Variants in SLC4A4 observed in about 807,000 individuals in gnomAD.
SLC4A4 encodes the protein electrogenic sodium bicarbonate cotransporter 1.
Under a neutral mutation model 111.5 loss-of-function variants are expected in SLC4A4, and 27 were observed. The observed-to-expected ratio is 0.24, with a 90% CI of 0.18 to 0.33. SLC4A4 has a LOEUF of 0.33. Ranked by LOEUF, SLC4A4 falls within the 10% of genes least tolerant of loss-of-function variation. The pLI, the probability that SLC4A4 is intolerant of heterozygous loss-of-function variation, is 1.00. For synonymous variants in SLC4A4, 443 were observed against 463.4 expected, an observed-to-expected ratio of 0.96 and a Z score of 0.57; for missense variants, 909 against 1,315.5, an observed-to-expected ratio of 0.69 and a Z score of 4.78.
At chr4:71,275,064 A>T (rs1191108670) in intron 3 of SLC4A4, among the ~76,000 whole-genome samples, 1 of 151,978 alleles carries the variant, frequency 6.6e-6, no homozygotes, top group Non-Finnish European at 1.5e-5. Flanking sequence ...CAGCTCATTC[A>T]TAGGCCTAGG....
chr4:71,255,137 C>A lies in SLC4A4; in HGVS notation c.74-83C>A, dbSNP rs4694387. On this transcript the variant is annotated intron_variant, in intron 2 of 25. Transcript: ENST00000264485. Reference sequence around the variant, plus strand: ...GTAACGTTGAATTTATAGACATTTTCTTCTGATCTGTGTATCTTGTGCAAT... The same window carrying A: ...GTAACGTTGAATTTATAGACATTTTATTCTGATCTGTGTATCTTGTGCAAT... 0.16 allele frequency: 195,860 copies of A among 1,251,426 alleles called. 20,535 individuals are homozygous for A. Among genetic ancestry groups the A allele is most frequent in the East Asian group, 0.45 (19,546 of 43,166 alleles). 77.5% of individuals were successfully genotyped at this position (1,251,426 alleles called of 1,614,324 possible).
At chr4:71,423,226 C>A (rs1267133078) in intron 7 of SLC4A4, among the ~76,000 whole-genome samples, 1 of 152,124 alleles carries the variant, frequency 6.6e-6, no homozygotes, top group South Asian at 2.1e-4. Flanking sequence ...CATGAGTGAA[C>A]TCCCATTAAC....
chr4:71,398,221 G>T (rs1720008541), intron 7 of SLC4A4, among the ~76,000 whole-genome samples: 2 of 150,192 alleles, frequency 1.3e-5, no homozygotes, highest in African/African-American at 4.9e-5. Flanking sequence ...AGAGGCAGAG[G>T]TTGCATTGCA....
At chr4:71,465,218 A>G (rs1233950609) in intron 12 of SLC4A4, among the ~76,000 whole-genome samples, 1 of 152,084 alleles carries the variant, frequency 6.6e-6, no homozygotes, top group African/African-American at 2.4e-5. Flanking sequence ...AACTCTTCCT[A>G]TACCAAGAGA....
chr4:71,175,893 C>T (rs1408741794), intron 2 of SLC4A4, among the ~76,000 whole-genome samples: 1 of 152,190 alleles, frequency 6.6e-6, no homozygotes, highest in Admixed American at 6.5e-5. Flanking sequence ...AAGTGGGTCC[C>T]TGCCCCCGAG....
At chr4:71,252,101 A>G (rs971290546) in intron 2 of SLC4A4, among the ~76,000 whole-genome samples, 3 of 152,182 alleles carry the variant, frequency 2.0e-5, no homozygotes, top group Non-Finnish European at 4.4e-5. Flanking sequence ...AGAGATTTTA[A>G]TGAAAATAAA....
chr4:71,490,320 T>G (rs1259153844), intron 15 of SLC4A4, among the ~76,000 whole-genome samples: 3 of 151,844 alleles, frequency 2.0e-5, no homozygotes, highest in African/African-American at 7.2e-5. Flanking sequence ...ATTTTGTTTT[T>G]CCACATCAGA....
chr4:71,123,826 T>C (rs1376818153), intron 2 of SLC4A4, among the ~76,000 whole-genome samples: 3 of 152,218 alleles, frequency 2.0e-5, no homozygotes, highest in African/African-American at 2.4e-5. Flanking sequence ...TGGATATTTC[T>C]GTCTGAGATG....
chr4:71,259,880 G>A (rs1423804062), intron 3 of SLC4A4, among the ~76,000 whole-genome samples: 1 of 152,178 alleles, frequency 6.6e-6, no homozygotes, highest in Non-Finnish European at 1.5e-5. Context: ...GCTACAAACA[G>A]AACATCGTGT....
intron 2 of SLC4A4, among the ~76,000 whole-genome samples, chr4:71,180,204 G>A (rs1222468755): frequency 5.9e-5 from 9 of 152,164 alleles, no homozygotes; most frequent in Non-Finnish European, 1.2e-4. Context: ...ATTAATTCAA[G>A]ATGGATTAAG....
In SLC4A4 at chr4:71,410,707, G is replaced by A. The variant is rs557817003; in HGVS notation, c.807+13054G>A. ...TTTCAATTTTTGGAGAAGTTCAAGA[G>A]AGAGGCAGTTGTAAAATAGAATACT... On this transcript the variant is annotated intron_variant, in intron 7 of 25. Coordinates refer to ENST00000264485, the MANE Select transcript of SLC4A4 (RefSeq NM_001098484.3). Among the ~76,000 whole-genome samples the A allele has an allele frequency of 4.6e-5, 7 of 152,298 alleles. No homozygotes were observed. The South Asian group carries it at 1.5e-3, about 32-fold the overall frequency.
At chr4:71,443,712 T>C (rs1289254405) in intron 8 of SLC4A4, among the ~76,000 whole-genome samples, 1 of 152,202 alleles carries the variant, frequency 6.6e-6, no homozygotes, top group East Asian at 1.9e-4. Flanking sequence ...TGTAAGGTAA[T>C]TGGTTATTAA....
At position 71,088,514 on chromosome 4, in the gene SLC4A4, A is replaced by T. The variant is rs552517509; in HGVS notation, c.-64-4216A>T. 2.0e-5 allele frequency among the ~76,000 whole-genome samples: 3 copies of T among 151,982 alleles called. No individual in the cohort carries two copies. The East Asian group carries it at 5.8e-4, about 29-fold the overall frequency. ...CTTCCTAGCCTTAATGGTCTTTACA[A>T]TTTGGCATGTTTTTGCAGTGGCTGG... On this transcript the variant is annotated intron_variant, in intron 1 of 26. Coordinates refer to the SLC4A4 transcript ENST00000649996.
intron 2 of SLC4A4, among the ~76,000 whole-genome samples, chr4:71,140,468 A>G (rs961097149): frequency 1.1e-4 from 16 of 152,284 alleles, no homozygotes; most frequent in African/African-American, 3.1e-4. Context: ...TTCCAAATGT[A>G]TATCTTCAAC....
chr4:71,500,222 C>T (rs114360731), intron 16 of SLC4A4, among the ~76,000 whole-genome samples: 2,051 of 152,086 alleles, frequency 0.013, 46 homozygotes, highest in African/African-American at 0.047. Context: ...ATTTATGTTT[C>T]TTCTTTTGCA....
intron 1 of SLC4A4, among the ~76,000 whole-genome samples, chr4:71,227,346 A>G (rs1423459721): frequency 6.6e-6 from 1 of 152,168 alleles, no homozygotes; most frequent in Non-Finnish European, 1.5e-5. Context: ...CCATGTAATG[A>G]AGAAACACTG....
chr4:71,507,891 C>G (rs1473350128), intron 16 of SLC4A4, among the ~76,000 whole-genome samples: 1 of 152,098 alleles, frequency 6.6e-6, no homozygotes, highest in Non-Finnish European at 1.5e-5. Flanking sequence ...ATAACAGTCC[C>G]TCGGACCACA....
intron 12 of SLC4A4, among the ~76,000 whole-genome samples, chr4:71,461,603 T>A (rs1726833856): frequency 6.6e-6 from 1 of 152,202 alleles, no homozygotes; most frequent in African/African-American, 2.4e-5. Context: ...TTGCCCCAAG[T>A]TGCTGAAAGA....
intron 6 of SLC4A4, among the ~76,000 whole-genome samples, chr4:71,380,110 A>G (rs1453266862): frequency 6.6e-6 from 1 of 152,206 alleles, no homozygotes; most frequent in Admixed American, 6.5e-5. Context: ...AACTGACCAG[A>G]CACAGTGACA....
Sources: gnomAD v4.1 joint callset for allele counts (sites outside exome capture counted in the v4.1 genomes callset) on GRCh38, gnomAD v4.1.1 for gene constraint, MANE v1.5 for transcripts, NCBI Gene and HGNC (gene_info 2026-07-23, HGNC 2026-07-21) for gene names.